Variants in CDH12 observed in about 807,000 individuals in gnomAD.
CDH12 encodes cadherin-12.
A neutral mutation model predicts 74.1 loss-of-function variants in CDH12; 41 were observed. The ratio of observed to expected loss-of-function variants is 0.55; its 90% confidence interval spans 0.43 to 0.72. The LOEUF (loss-of-function observed/expected upper bound fraction) is 0.72, where lower values mean the gene tolerates loss of function less well. Ranked by LOEUF, CDH12 falls within the 30% of genes least tolerant of loss-of-function variation. The probability of loss-of-function intolerance (pLI) is 0.00; values close to 1 mark genes in which losing one functional copy is unlikely to be tolerated. For missense variants in CDH12, 945 were observed against 977.2 expected (o/e 0.97, Z 0.44); for synonymous variants, 399 against 355.0 (o/e 1.12, Z -1.39).
intron 1 of CDH12, among the ~76,000 whole-genome samples, chr5:22,603,103 A>G (rs1281560039): frequency 6.6e-6 from 1 of 152,212 alleles, no homozygotes; most frequent in Non-Finnish European, 1.5e-5. Context: ...ATTATAGATC[A>G]TCTAGTCCAT....
At chr5:22,654,687 G>A (rs1045212922) in intron 1 of CDH12, among the ~76,000 whole-genome samples, 12 of 151,166 alleles carry the variant, frequency 7.9e-5, no homozygotes, top group African/African-American at 2.9e-4. Flanking sequence ...CTAGGCTGGA[G>A]TGCAATGTCT....
chr5:22,425,062 TTA>T (rs536783287), intron 2 of CDH12, among the ~76,000 whole-genome samples: 29,507 of 133,626 alleles, frequency 0.22, 3,648 homozygotes, highest in Non-Finnish European at 0.29. Flanking sequence ...ATTTTTACAT[TTA>T]TATATATATA....
chr5:22,061,767 T>C (rs1741201940), intron 5 of CDH12, among the ~76,000 whole-genome samples: 2 of 152,160 alleles, frequency 1.3e-5, no homozygotes, highest in Non-Finnish European at 2.9e-5. Flanking sequence ...CACTTATTAA[T>C]TGTACTGTGT....
chr5:21,866,974 A>G (rs1561254811), intron 6 of CDH12, among the ~76,000 whole-genome samples: 1 of 152,138 alleles, frequency 6.6e-6, no homozygotes, highest in African/African-American at 2.4e-5. Flanking sequence ...GCCAATGTAC[A>G]GCTCTGGGCC....
intron 6 of CDH12, among the ~76,000 whole-genome samples, chr5:21,931,801 G>A (rs1303364124): frequency 6.6e-6 from 1 of 152,114 alleles, no homozygotes; most frequent in Admixed American, 6.5e-5. Context: ...TACTAAGACT[G>A]GCCTTAAGAA....
intron 4 of CDH12, among the ~76,000 whole-genome samples, chr5:22,179,772 C>T (rs1031869739): frequency 1.3e-5 from 2 of 152,136 alleles, no homozygotes; most frequent in African/African-American, 4.8e-5. Flanking sequence ...ACAAATTGGC[C>T]TTCCATCTAT....
intron 1 of CDH12, among the ~76,000 whole-genome samples, chr5:22,772,540 G>A (rs1746861390): frequency 6.6e-6 from 1 of 151,828 alleles, no homozygotes; most frequent in Non-Finnish European, 1.5e-5. Flanking sequence ...TTCAAAATGG[G>A]GTGTCGTTTT....
At chr5:22,776,538 GA>G (rs1439567278) in intron 1 of CDH12, among the ~76,000 whole-genome samples, 4 of 152,222 alleles carry the variant, frequency 2.6e-5, no homozygotes, top group Admixed American at 6.5e-5. Flanking sequence ...GGCACAGAAG[GA>G]AATCTGTGTA....
intron 1 of CDH12, among the ~76,000 whole-genome samples, chr5:22,822,779 T>C (rs1450017375): frequency 1.3e-5 from 2 of 152,150 alleles, no homozygotes; most frequent in Non-Finnish European, 2.9e-5. Context: ...TTTTACACAG[T>C]TTGTGGGACT....
At chr5:22,219,228 A>G (rs1253363100) in intron 3 of CDH12, among the ~76,000 whole-genome samples, 3 of 151,848 alleles carry the variant, frequency 2.0e-5, no homozygotes, top group African/African-American at 7.2e-5. Flanking sequence ...CTCAACCTCT[A>G]AATGCATTTG....
At chr5:22,197,061 G>A (rs544952036) in intron 4 of CDH12, among the ~76,000 whole-genome samples, 140 of 152,226 alleles carry the variant, frequency 9.2e-4, no homozygotes, top group Middle Eastern at 3.4e-3. Flanking sequence ...TAAAATAAGA[G>A]TTAAAAAATA....
chr5:22,384,301 G>T (rs1438017967), intron 3 of CDH12, among the ~76,000 whole-genome samples: 2 of 151,482 alleles, frequency 1.3e-5, no homozygotes, highest in South Asian at 2.1e-4. Flanking sequence ...GAGGCGGGCG[G>T]ATCACGAGGT....
chr5:22,223,318 A>G (rs1752082750), intron 3 of CDH12, among the ~76,000 whole-genome samples: 1 of 152,018 alleles, frequency 6.6e-6, no homozygotes, highest in Non-Finnish European at 1.5e-5. Context: ...TTGCTCTATA[A>G]TGAGAGCTGG....
chr5:21,901,426 C>A (rs183559782), intron 6 of CDH12, among the ~76,000 whole-genome samples: 116 of 152,206 alleles, frequency 7.6e-4, no homozygotes, highest in Non-Finnish European at 1.4e-3. Flanking sequence ...AGGTAAATAG[C>A]TTTGAGTTCA....
intron 10 of CDH12, among the ~76,000 whole-genome samples, chr5:21,788,488 C>T (rs1199392654): frequency 2.6e-5 from 4 of 152,104 alleles, no homozygotes; most frequent in Non-Finnish European, 2.9e-5. Flanking sequence ...AGATCTTATA[C>T]ATTATAGTTA....
intron 6 of CDH12, among the ~76,000 whole-genome samples, chr5:21,935,991 T>A (rs1277276233): frequency 6.6e-6 from 1 of 152,226 alleles, no homozygotes; most frequent in African/African-American, 2.4e-5. Flanking sequence ...TATTCATTCA[T>A]CTCTTGATGG....
chr5:22,589,515 T>C (rs905483251), intron 1 of CDH12, among the ~76,000 whole-genome samples: 1 of 152,228 alleles, frequency 6.6e-6, no homozygotes, highest in African/African-American at 2.4e-5. Flanking sequence ...TGTCATTTCA[T>C]GAAACTTGTT....
chr5:21,910,520 C>T (rs1753817208), intron 6 of CDH12, among the ~76,000 whole-genome samples: 1 of 151,952 alleles, frequency 6.6e-6, no homozygotes, highest in African/African-American at 2.4e-5. Context: ...ACTCATTGAC[C>T]AGAAATGGTT....
At chr5:22,512,560 AT>A (rs879933439) in intron 1 of CDH12, among the ~76,000 whole-genome samples, 111 of 152,318 alleles carry the variant, frequency 7.3e-4, no homozygotes, top group Non-Finnish European at 1.4e-3. Context: ...CCCAAGACTA[AT>A]ATCAGCTGAG....
Sources: allele counts gnomAD v4.1 joint callset (sites outside exome capture counted in the v4.1 genomes callset), GRCh38; gene constraint gnomAD v4.1.1; transcripts MANE v1.5; gene names NCBI Gene and HGNC (gene_info 2026-07-23, HGNC 2026-07-21).